Variants in STPG2 observed in about 807,000 individuals in gnomAD.
STPG2 encodes sperm tail PG-rich repeat containing 2, also known as sperm-tail PG-rich repeat-containing protein 2.
Under a neutral mutation model 54.2 loss-of-function variants are expected in STPG2, and 56 were observed. The observed-to-expected ratio is 1.03, with a 90% confidence interval of 0.83 to 1.29. The LOEUF (loss-of-function observed/expected upper bound fraction) is 1.29. Ranked by LOEUF, STPG2 falls within the 50% of genes most tolerant of loss-of-function variation. STPG2 has a pLI of 0.00. For synonymous variants in STPG2, 200 were observed against 181.8 expected, an observed-to-expected ratio of 1.10 and a Z score of -0.81; for missense variants, 596 against 544.9, an observed-to-expected ratio of 1.09 and a Z score of -0.93.
At chr4:97,739,495 G>A (rs1725144034) in intron 9 of STPG2, among the ~76,000 whole-genome samples, 4 of 151,944 alleles carry the variant, frequency 2.6e-5, no homozygotes, top group Admixed American at 2.0e-4. Context: ...AAAGAGAGAA[G>A]AATCAAATAG....
intron 10 of STPG2, among the ~76,000 whole-genome samples, chr4:97,653,316 A>G (rs1195002311): frequency 6.6e-6 from 1 of 151,978 alleles, no homozygotes; most frequent in African/African-American, 2.4e-5. Flanking sequence ...ACATATCCAA[A>G]GACTAGTTTT....
intron 8 of STPG2, among the ~76,000 whole-genome samples, chr4:97,856,783 T>C (rs1477230794): frequency 1.3e-5 from 2 of 152,204 alleles, no homozygotes; most frequent in Non-Finnish European, 1.5e-5. Context: ...CAGTACAATA[T>C]TGGCTGTGGG....
Position 97,929,264 on chromosome 4 carries a change from T to A in STPG2, c.1044+14633A>T, listed in dbSNP as rs1165892446. On this transcript the variant is annotated intron_variant, in intron 8 of 10. Transcript: ENST00000295268. Reference sequence around the variant, plus strand: ...GTGTATATGTACTACATTTTCTTTCTCCAATCTGTCATTGATGAGCATTTG... The same window carrying A: ...GTGTATATGTACTACATTTTCTTTCACCAATCTGTCATTGATGAGCATTTG... Among the ~76,000 whole-genome samples, 4 of 152,242 alleles carry A rather than the reference T, an allele frequency of 2.6e-5. No homozygotes were observed. The South Asian group carries it at 6.2e-4, about 24-fold the overall frequency.
At chr4:98,096,258 A>T (rs1037883095) in intron 5 of STPG2, among the ~76,000 whole-genome samples, 2 of 152,084 alleles carry the variant, frequency 1.3e-5, no homozygotes, top group African/African-American at 4.8e-5. Flanking sequence ...TTAGCCAGGC[A>T]TGGCAGCATA....
At chr4:98,135,333 T>C (rs932123927) in intron 1 of STPG2, among the ~76,000 whole-genome samples, 2 of 151,790 alleles carry the variant, frequency 1.3e-5, no homozygotes, top group Non-Finnish European at 3.0e-5. Context: ...AAATAATGTG[T>C]TTCTTTTGAG....
intron 5 of STPG2, among the ~76,000 whole-genome samples, chr4:97,983,033 T>C (rs73832117): frequency 0.013 from 1,996 of 152,264 alleles, 53 homozygotes; most frequent in African/African-American, 0.045. Context: ...TACTTACCTA[T>C]CTATAGTCGA....
At chr4:97,656,858 T>C (rs1325322960) in intron 10 of STPG2, among the ~76,000 whole-genome samples, 1 of 152,016 alleles carries the variant, frequency 6.6e-6, no homozygotes, top group African/African-American at 2.4e-5. Context: ...GTATTTGCCC[T>C]GTAATTTTAA....
intron 4 of STPG2, among the ~76,000 whole-genome samples, chr4:97,549,448 G>A (rs1381685030): frequency 1.3e-5 from 2 of 152,078 alleles, no homozygotes; most frequent in Non-Finnish European, 2.9e-5. Flanking sequence ...CCTGTAAATA[G>A]ATTTGGAGTG....
At chr4:97,804,048 A>C (rs1216567109) in intron 9 of STPG2, among the ~76,000 whole-genome samples, 1 of 152,144 alleles carries the variant, frequency 6.6e-6, no homozygotes, top group South Asian at 2.1e-4. Context: ...TCTCTGACAC[A>C]ATAACAATAC....
At chr4:97,973,895 C>G (rs939300733) in intron 6 of STPG2, among the ~76,000 whole-genome samples, 1 of 152,186 alleles carries the variant, frequency 6.6e-6, no homozygotes, top group African/African-American at 2.4e-5. Context: ...GCAGTTAGAG[C>G]CACCACACAG....
At chr4:97,934,554 A>C (rs762220373) in intron 8 of STPG2, among the ~76,000 whole-genome samples, 1 of 152,138 alleles carries the variant, frequency 6.6e-6, no homozygotes, top group Non-Finnish European at 1.5e-5. Flanking sequence ...TAGTTTATTG[A>C]GGGTTTTTAA....
At chr4:97,649,622 T>G (rs1722008912) in intron 10 of STPG2, among the ~76,000 whole-genome samples, 2 of 152,172 alleles carry the variant, frequency 1.3e-5, no homozygotes, top group East Asian at 3.9e-4. Flanking sequence ...TAAAAGATGT[T>G]TCAGTATGTA....
At chr4:97,908,172 GA>G in intron 8 of STPG2, among the ~76,000 whole-genome samples, 2 of 151,648 alleles carry the variant, frequency 1.3e-5, no homozygotes, top group South Asian at 2.1e-4. Flanking sequence ...AAATTTACAA[GA>G]AAAAAACAAC....
chr4:97,947,338 T>A (rs569674359), intron 7 of STPG2, among the ~76,000 whole-genome samples: 1 of 152,180 alleles, frequency 6.6e-6, no homozygotes, highest in Non-Finnish European at 1.5e-5. Flanking sequence ...TATATAATCA[T>A]ATCATTGGTG....
intron 4 of STPG2, among the ~76,000 whole-genome samples, chr4:97,494,207 G>C (rs1578341915): frequency 6.6e-6 from 1 of 151,536 alleles, no homozygotes; most frequent in South Asian, 2.1e-4. Context: ...CCATGAGCTG[G>C]AGAGATACAG....
chr4:98,008,852 C>A (rs894298384), intron 5 of STPG2, among the ~76,000 whole-genome samples: 30 of 152,016 alleles, frequency 2.0e-4, no homozygotes, highest in African/African-American at 7.2e-4. Flanking sequence ...TTACCTATTT[C>A]TTCATTATTC....
chr4:97,488,080 C>CATGTTCTTCACACTT (rs1247837375), intron 4 of STPG2, among the ~76,000 whole-genome samples: 2 of 151,512 alleles, frequency 1.3e-5, no homozygotes, highest in African/African-American at 2.4e-5. Flanking sequence ...GAAGTTGTTA[C>CATGTTCTTCACACTT]ATGTTCTTCA....
intron 9 of STPG2, among the ~76,000 whole-genome samples, chr4:97,725,296 T>G (rs927597394): frequency 7.9e-5 from 12 of 152,150 alleles, no homozygotes; most frequent in Admixed American, 6.6e-4. Context: ...GTACCACTTT[T>G]TTTTTTAGTG....
intron 8 of STPG2, among the ~76,000 whole-genome samples, chr4:97,886,130 A>C (rs1163942066): frequency 1.3e-5 from 2 of 152,186 alleles, no homozygotes; most frequent in African/African-American, 4.8e-5. Flanking sequence ...TGAGGAAAAA[A>C]ATTTATAGCT....
Sources: gnomAD v4.1 joint callset for allele counts (sites outside exome capture counted in the v4.1 genomes callset) on GRCh38, gnomAD v4.1.1 for gene constraint, MANE v1.5 for transcripts, NCBI Gene and HGNC (gene_info 2026-07-23, HGNC 2026-07-21) for gene names.